Variants in TTC28 observed in about 807,000 individuals in gnomAD.
TTC28 encodes tetratricopeptide repeat protein 28.
Under a neutral mutation model 198.0 loss-of-function variants are expected in TTC28, and 61 were observed. That is an observed-to-expected ratio of 0.31 (90% CI 0.25 to 0.38). The LOEUF is 0.38. TTC28 is among the 10% of genes least tolerant of loss of function. The pLI, the probability that TTC28 is intolerant of heterozygous loss-of-function variation, is 1.00. For missense variants in TTC28, 2,678 were observed against 3,164.0 expected, an observed-to-expected ratio of 0.85 and a Z score of 3.69; for synonymous variants, 1,171 against 1,297.8, an observed-to-expected ratio of 0.90 and a Z score of 2.10.
chr22:28,324,021 T>C (rs1052212098), intron 2 of TTC28, among the ~76,000 whole-genome samples: 10 of 152,282 alleles, frequency 6.6e-5, no homozygotes, highest in African/African-American at 2.4e-4. Flanking sequence ...GGTGAAAATA[T>C]CCTTCAAACA....
chr22:28,215,386 C>G (rs1927308342), intron 5 of TTC28, among the ~76,000 whole-genome samples: 2 of 152,158 alleles, frequency 1.3e-5, no homozygotes, highest in African/African-American at 2.4e-5. Flanking sequence ...GCTACTATCT[C>G]ACACACTATG....
chr22:28,366,104 T>A (rs1007253291), intron 2 of TTC28, among the ~76,000 whole-genome samples: 1 of 152,252 alleles, frequency 6.6e-6, no homozygotes, highest in African/African-American at 2.4e-5. Context: ...CATGTATGCA[T>A]GTTGAAAATA....
At chr22:28,097,615 C>T (rs1024413924) in intron 10 of TTC28, among the ~76,000 whole-genome samples, 13 of 152,286 alleles carry the variant, frequency 8.5e-5, no homozygotes, top group African/African-American at 2.9e-4. Context: ...TGAAGGAACA[C>T]AATGCAGCGG....
At chr22:28,072,631 C>T (rs534876674) in intron 12 of TTC28, among the ~76,000 whole-genome samples, 1 of 152,144 alleles carries the variant, frequency 6.6e-6, no homozygotes, top group Non-Finnish European at 1.5e-5. Flanking sequence ...CTCTTACCCC[C>T]CTGTGTAAGC....
At chr22:28,515,885 C>A (rs1476077665) in intron 2 of TTC28, among the ~76,000 whole-genome samples, 1 of 152,028 alleles carries the variant, frequency 6.6e-6, no homozygotes, top group Non-Finnish European at 1.5e-5. Flanking sequence ...GTAGCTCATG[C>A]CTGTAATCTC....
chr22:28,408,880 A>T (rs1176097253), intron 2 of TTC28, among the ~76,000 whole-genome samples: 2 of 152,236 alleles, frequency 1.3e-5, no homozygotes, highest in African/African-American at 4.8e-5. Flanking sequence ...CAGATGGTAC[A>T]GTTACTCAGA....
Position 27,982,225 on chromosome 22 carries a change from C to T in TTC28, c.7442G>A (p.Cys2481Tyr). The part of the protein sequence containing the change: ...SPGRFFPSSK[C>Y] ...TCAGTGGGTATAAAAGATGCTTTAG[C>T]ATTTGGAAGAAGGGAAAAATCTTCC... Residue 2481 changes from cysteine (C) to tyrosine (Y), a missense_variant, in exon 23 of 23, where the codon TGC (cysteine) becomes TAC (tyrosine). Coordinates refer to ENST00000397906, the MANE Select transcript of TTC28 (RefSeq NM_001145418.2). This position sits in a 1 kb window ranked among gnomAD's most constrained non-coding sequence, Gnocchi z 5.2. The T allele has an allele frequency of 6.8e-7, 1 of 1,464,884 alleles. No individual in the cohort carries two copies. The highest frequency in any genetic ancestry group is 1.5e-5 in the South Asian group (1 of 68,794). The allele number at this position is 1,464,884 out of a possible 1,614,324, so 90.7% of individuals were successfully genotyped here. A position where few individuals can be genotyped will look rare whatever the true frequency, so the allele number is the denominator to read the frequency against.
chr22:28,422,605 AT>A (rs1407560674), intron 2 of TTC28, among the ~76,000 whole-genome samples: 7 of 151,450 alleles, frequency 4.6e-5, no homozygotes, highest in African/African-American at 1.5e-4. Context: ...CGCCTGGCTA[AT>A]TTTTTGTAAT....
At chr22:28,290,914 C>T (rs2044775674) in intron 5 of TTC28, among the ~76,000 whole-genome samples, 1 of 150,724 alleles carries the variant, frequency 6.6e-6, no homozygotes, top group Non-Finnish European at 1.5e-5. Flanking sequence ...AACACACATA[C>T]ACACACACAC....
intron 5 of TTC28, among the ~76,000 whole-genome samples, chr22:28,193,854 C>T (rs1442598880): frequency 6.6e-6 from 1 of 152,080 alleles, no homozygotes; most frequent in African/African-American, 2.4e-5. Flanking sequence ...TTTAAGACCC[C>T]ACTGTCAACA....
At chr22:28,402,911 A>G (rs1052624672) in intron 2 of TTC28, among the ~76,000 whole-genome samples, 2 of 152,212 alleles carry the variant, frequency 1.3e-5, no homozygotes, top group East Asian at 1.9e-4. Context: ...TTCATTTCCA[A>G]TCATGCTCTT....
chr22:28,609,904 A>G (rs1409754119), intron 2 of TTC28, among the ~76,000 whole-genome samples: 2 of 152,098 alleles, frequency 1.3e-5, no homozygotes, highest in African/African-American at 4.8e-5. Context: ...TGGTGGGGAG[A>G]CAGGTGTCCA....
rs531457104 is a variant in TTC28, at chr22:28,002,921, T to C, written c.4219-1368A>G. ...ATCGCTTGAACCCAGGAGGTGAAGA[T>C]TGTAGTGGGCCAAGATTATACCAGT... On this transcript the variant is annotated intron_variant, in intron 14 of 22. Transcript: ENST00000397906. Among the ~76,000 whole-genome samples, 297 of 152,160 alleles carry C rather than the reference T, an allele frequency of 2.0e-3. 3 individuals carry two copies. The highest frequency in any genetic ancestry group is 1.1e-3 in the Non-Finnish European group (77 of 67,996).
intron 2 of TTC28, among the ~76,000 whole-genome samples, chr22:28,325,783 T>C (rs2045519558): frequency 6.6e-6 from 1 of 152,020 alleles, no homozygotes; most frequent in South Asian, 2.1e-4. Flanking sequence ...AATTAAACTA[T>C]AATAGAATAC....
intron 2 of TTC28, among the ~76,000 whole-genome samples, chr22:28,518,584 C>T (rs933340807): frequency 3.9e-5 from 6 of 152,078 alleles, no homozygotes; most frequent in Middle Eastern, 3.2e-3. Flanking sequence ...CTACAGCCTA[C>T]GTGACAGAGT....
chr22:28,011,469 A>G (rs977876691), intron 14 of TTC28, among the ~76,000 whole-genome samples: 1 of 152,084 alleles, frequency 6.6e-6, no homozygotes, highest in East Asian at 1.9e-4. Context: ...GGTGGTGCAC[A>G]CCTGTAGTCC....
chr22:28,282,103 C>A (rs749120814), intron 5 of TTC28, among the ~76,000 whole-genome samples: 10 of 152,194 alleles, frequency 6.6e-5, no homozygotes, highest in African/African-American at 9.6e-5. Context: ...CAGTGTTATT[C>A]TCTTTTTCCA....
intron 5 of TTC28, among the ~76,000 whole-genome samples, chr22:28,192,063 C>T (rs527467188): frequency 1.3e-5 from 2 of 152,324 alleles, no homozygotes; most frequent in African/African-American, 4.8e-5. Context: ...TGACACCTCA[C>T]ACGGCCGGGT....
At chr22:28,049,622 T>C (rs1940004264) in intron 12 of TTC28, among the ~76,000 whole-genome samples, 2 of 152,076 alleles carry the variant, frequency 1.3e-5, no homozygotes, top group South Asian at 2.1e-4. Flanking sequence ...TAAGGGGTCA[T>C]GATGGCCCCA....
Sources: gnomAD v4.1 joint callset for allele counts (sites outside exome capture counted in the v4.1 genomes callset) on GRCh38, gnomAD v4.1.1 for gene constraint, Gnocchi (gnomAD v3.1) non-coding constraint, MANE v1.5 for transcripts, NCBI Gene and HGNC (gene_info 2026-07-23, HGNC 2026-07-21) for gene names.